NYAP1: variants seen among roughly 807,000 people sequenced by gnomAD.
The protein encoded by NYAP1 is neuronal tyrosine phosphorylated phosphoinositide-3-kinase adaptor 1.
A neutral mutation model predicts 58.6 loss-of-function variants in NYAP1; 20 were observed. The ratio of observed to expected loss-of-function variants is 0.34; its 90% CI spans 0.24 to 0.50. The LOEUF is 0.50. Among genes scored for constraint, NYAP1 ranks in the 20% least tolerant of loss-of-function variants. NYAP1 has a pLI of 0.98. For synonymous variants in NYAP1, 572 were observed against 523.1 expected, an observed-to-expected ratio of 1.09 and a Z score of -1.27; for missense variants, 1,150 against 1,194.5, an observed-to-expected ratio of 0.96 and a Z score of 0.55.
In NYAP1 at chr7:100,491,054, A is replaced by C; in HGVS notation, c.2227A>C (p.Thr743Pro). The C allele has an allele frequency of 6.4e-7, 1 of 1,559,724 alleles. No individual in the cohort carries two copies. Among genetic ancestry groups the C allele is most frequent in the Non-Finnish European group, 8.7e-7 (1 of 1,151,614 alleles). ...TSGVRQVVLH[T>P]PRPCSQPRDA... ...CGGAGTCCGGCAGGTCGTGCTCCAC[A>C]CACCCCGGCCCTGCAGCCAGCCCAG... The change falls in exon 6 of 7, where the codon ACA becomes CCA. Residue 743 changes from threonine to proline, a missense_variant. Transcript: ENST00000300179.
At position 100,485,294 on chromosome 7, in the gene NYAP1, C is replaced by G; in HGVS notation, c.-18C>G. ...GCACTGAGCAGGGCCCCCCAGCCCC[C>G]ACCTCCTGCCCCACGAGATGAACCT... is the stretch of plus-strand genomic sequence containing the variant. On this transcript the variant is annotated 5_prime_UTR_variant, in exon 2 of 7. Coordinates refer to ENST00000300179, the MANE Select transcript of NYAP1 (RefSeq NM_173564.4). The surrounding 1 kb of genome is among the most constrained non-coding windows in gnomAD (Gnocchi z 5.7). The G allele has an allele frequency of 6.4e-7, 1 of 1,571,808 alleles. No homozygotes were observed. Among genetic ancestry groups the G allele is most frequent in the Admixed American group, 1.8e-5 (1 of 55,188 alleles).
intron 1 of NYAP1, among the ~76,000 whole-genome samples, chr7:100,484,608 G>A (rs966321079): frequency 1.3e-5 from 2 of 152,054 alleles, no homozygotes; most frequent in Admixed American, 1.3e-4. Flanking sequence ...TTCCTTCAGC[G>A]TCCCCACCCT....
chr7:100,484,747 G>A (rs1020656452), intron 1 of NYAP1, among the ~76,000 whole-genome samples: 1 of 152,122 alleles, frequency 6.6e-6, no homozygotes, highest in African/African-American at 2.4e-5. Flanking sequence ...GTCCAGTTCT[G>A]TGTAGCAGAT....
rs370347195 is a variant in NYAP1 at position 100,488,477 on chromosome 7, G to T, written c.756G>T (p.Ser252=). ...GGPTPPAGAD[S]DSEESEAIYE... ...CGACCCCTCCAGCGGGCGCCGACTCGGACTCTGAAGAGAGTGAGGCCATCT... is the reference window on the plus strand; with the variant it reads ...CGACCCCTCCAGCGGGCGCCGACTCTGACTCTGAAGAGAGTGAGGCCATCT... The change falls in exon 4 of 7, where the codon TCG becomes TCT. Residue 252 remains serine, a synonymous_variant. Transcript: ENST00000300179. The surrounding 1 kb of genome is among the most constrained non-coding windows in gnomAD (Gnocchi z 5.9). The T allele has an allele frequency of 1.2e-5, 19 of 1,611,864 alleles. No individual in the cohort carries two copies. In the Middle Eastern group the frequency reaches 4.9e-4, roughly 42 times the overall value.
rs772353406 is a variant in NYAP1 at position 100,488,941 on chromosome 7, C to T, written c.1220C>T (p.Ser407Leu). ...LGPSGRARSH[S>L]TPLPPQGSGQ... is the part of the protein sequence containing the mutation. ...CCATCGGGCCGGGCCCGGAGCCACT[C>T]GACACCGTTGCCACCCCAGGGCTCT... Residue 407 changes from serine to leucine, a missense_variant, in exon 4 of 7, where the codon TCG becomes TTG. Coordinates refer to ENST00000300179, the MANE Select transcript of NYAP1 (RefSeq NM_173564.4). The surrounding 1 kb of genome is among the most constrained non-coding windows in gnomAD (Gnocchi z 5.9). The T allele has an allele frequency of 1.6e-5, 25 of 1,569,646 alleles. No individual in the cohort carries two copies. Among genetic ancestry groups the T allele is most frequent in the South Asian group, 3.5e-5 (3 of 85,584 alleles).
intron 6 of NYAP1, among the ~76,000 whole-genome samples, chr7:100,492,875 G>A (rs1461112655): frequency 3.9e-5 from 6 of 152,028 alleles, no homozygotes; most frequent in Non-Finnish European, 7.4e-5. Flanking sequence ...CTCCAGCCTG[G>A]GTGGCAGAGG....
Position 100,488,932 on chromosome 7 carries a change from G to A in NYAP1, c.1211G>A (p.Arg404Gln), listed in dbSNP as rs959739987. 26 of 1,573,846 alleles carry A rather than the reference G, an allele frequency of 1.7e-5. No homozygotes were observed. The highest frequency in any genetic ancestry group is 3.4e-4 in the Middle Eastern group (2 of 5,884). ...CTGCTGGGACCATCGGGCCGGGCCCGGAGCCACTCGACACCGTTGCCACCC... is the reference window on the plus strand; with the variant it reads ...CTGCTGGGACCATCGGGCCGGGCCCAGAGCCACTCGACACCGTTGCCACCC... ...LLLLGPSGRARSHSTPLPPQG... is the reference protein window; with the variant it reads ...LLLLGPSGRAQSHSTPLPPQG... Residue 404 changes from arginine to glutamine, a missense_variant, in exon 4 of 7, where the codon CGG becomes CAG. Coordinates refer to ENST00000300179, the MANE Select transcript of NYAP1 (RefSeq NM_173564.4). This position sits in a 1 kb window ranked among gnomAD's most constrained non-coding sequence, Gnocchi z 5.9.
chr7:100,494,093 G>A lies in NYAP1; in HGVS notation c.*190G>A. On this transcript the variant is annotated 3_prime_UTR_variant, in exon 7 of 7. Transcript: ENST00000300179. ...CCATTGGGCTTAGGATGCCAACAGCGCTGCTGAGAAACGGAGGAGGAGGAG... is the reference window on the plus strand; with the variant it reads ...CCATTGGGCTTAGGATGCCAACAGCACTGCTGAGAAACGGAGGAGGAGGAG... 1.9e-6 allele frequency: 1 copy of A among 530,490 alleles called. No individual in the cohort carries two copies. The allele number at this position is 530,490 out of a possible 1,614,324, so 32.9% of individuals were successfully genotyped here.
Position 100,488,569 on chromosome 7 carries a change from T to C in NYAP1, c.848T>C (p.Leu283Ser). 2.5e-6 allele frequency: 4 copies of C among 1,604,834 alleles called. No individual in the cohort carries two copies. Among genetic ancestry groups the C allele is most frequent in the Non-Finnish European group, 3.4e-6 (4 of 1,176,252 alleles). ...GEGRANGPPP[L>S]TATSPPQQPH... ...GGCCGGGCCAATGGCCCTCCACCAT[T>C]GACGGCAACATCCCCGCCACAACAG... The change falls in exon 4 of 7, where the codon TTG becomes TCG. Residue 283 changes from leucine (L) to serine (S), a missense_variant. Coordinates refer to ENST00000300179, the MANE Select transcript of NYAP1 (RefSeq NM_173564.4). This position sits in a 1 kb window ranked among gnomAD's most constrained non-coding sequence, Gnocchi z 5.9.
chr7:100,490,937 G>T lies in NYAP1; in HGVS notation c.2159-49G>T, dbSNP rs1799787420. On this transcript the variant is annotated intron_variant, in intron 5 of 6. Transcript: ENST00000300179. The surrounding 1 kb of genome is among the most constrained non-coding windows in gnomAD (Gnocchi z 4.6). ...GGGCAGGGGACTGGGAACTAGGGGA[G>T]GGGTACCTGAGGCCCCTGCACTCCT... 1 of 1,268,738 alleles carries T rather than the reference G, an allele frequency of 7.9e-7. No individual in the cohort carries two copies. The highest frequency in any genetic ancestry group is 1.5e-5 in the African/African-American group (1 of 67,164). The allele number at this position is 1,268,738 out of a possible 1,614,324, so 78.6% of individuals were successfully genotyped here. A position where few individuals can be genotyped will look rare whatever the true frequency, so the allele number is the denominator to read the frequency against.
rs1799701971 is a variant in NYAP1 at position 100,486,355 on chromosome 7, C to T, written c.69-466C>T. Among the ~76,000 whole-genome samples, 1 of 152,050 alleles carries T rather than the reference C, an allele frequency of 6.6e-6. No individual in the cohort carries two copies. Among genetic ancestry groups the T allele is most frequent in the South Asian group, 2.1e-4 (1 of 4,824 alleles). Reference sequence around the variant, plus strand: ...CTGCTCTGGTCCTGGAGGGGCACATCCTGCATCTGGGAGAGGAGGTGTGCC... The same window carrying T: ...CTGCTCTGGTCCTGGAGGGGCACATTCTGCATCTGGGAGAGGAGGTGTGCC... On this transcript the variant is annotated intron_variant, in intron 2 of 6. Transcript: ENST00000300179. The surrounding 1 kb of genome is among the most constrained non-coding windows in gnomAD (Gnocchi z 6.2).
chr7:100,487,056 A>G lies in NYAP1; in HGVS notation c.304A>G (p.Ser102Gly), dbSNP rs534872075. Residue 102 changes from serine (S) to glycine (G), a missense_variant, in exon 3 of 7, where the codon AGT (serine) becomes GGT (glycine). By Grantham distance (56) the Ser-to-Gly change is moderately conservative (BLOSUM62 0). Transcript: ENST00000300179. This position sits in a 1 kb window ranked among gnomAD's most constrained non-coding sequence, Gnocchi z 4.1. ...TGTCGGGGGTGGCCCTGGCGGGGCC[A>G]GTGGGGGCCTCACAGAGGACAGCAG... ...DSVGGGPGGA[S>G]GGLTEDSSTR... 92 of 1,601,056 alleles carry G rather than the reference A, an allele frequency of 5.7e-5. No homozygotes were observed. In the East Asian group the frequency reaches 1.6e-3, roughly 27 times the overall value.
rs568574431 is a variant in NYAP1, at chr7:100,493,689, C to T, written c.2312C>T (p.Pro771Leu). The T allele has an allele frequency of 2.5e-6, 4 of 1,591,948 alleles. No individual in the cohort carries two copies. The highest frequency in any genetic ancestry group is 1.7e-5 in the Admixed American group (1 of 58,084). ...CTGCCTCTGCCCCTGCCGCCCCAGC[C>T]GGCCCGCGAGCGTGACGGGAAGCTG... Reference protein sequence around the residue: ...LPLPLPLPPQPARERDGKLLE... With the variant: ...LPLPLPLPPQLARERDGKLLE... The change falls in exon 7 of 7, where the codon CCG (proline) becomes CTG (leucine). Residue 771 changes from proline (P) to leucine (L), a missense_variant. Physicochemically the swap from Pro to Leu is moderately conservative, Grantham distance 98. Transcript: ENST00000300179.
Position 100,487,360 on chromosome 7 carries a change from G to T in NYAP1, c.430+178G>T, listed in dbSNP as rs1012679690. ...TGGGCCTGAGATGAACCATTCAAGG[G>T]CAGGGGACACTCCCTGAAAAGTTCT... On this transcript the variant is annotated intron_variant, in intron 3 of 6. Transcript: ENST00000300179. This position sits in a 1 kb window ranked among gnomAD's most constrained non-coding sequence, Gnocchi z 4.1. Among the ~76,000 whole-genome samples the T allele has an allele frequency of 6.6e-6, 1 of 152,164 alleles. No homozygotes were observed. The highest frequency in any genetic ancestry group is 2.4e-5 in the African/African-American group (1 of 41,426).
rs1425158458 is a variant in NYAP1 at position 100,489,213 on chromosome 7, A to G, written c.1492A>G (p.Met498Val). 1 of 1,609,946 alleles carries G rather than the reference A, an allele frequency of 6.2e-7. No homozygotes were observed. The highest frequency in any genetic ancestry group is 2.2e-5 in the East Asian group (1 of 44,786). Residue 498 changes from methionine (M) to valine (V), a missense_variant, in exon 4 of 7, where the codon ATG becomes GTG. Physicochemically the swap from Met to Val is conservative, Grantham distance 21. Transcript: ENST00000300179. ...GAAGGAGATCTCGGTCCTCCATGGG[A>G]TGCTGTGTACCAGCTCAAGGCCCCC... ...TEKEISVLHG[M>V]LCTSSRPPVP...
chr7:100,486,035 C>T lies in NYAP1; in HGVS notation c.68+656C>T, dbSNP rs997496490. Among the ~76,000 whole-genome samples, 3 of 152,216 alleles carry T rather than the reference C, an allele frequency of 2.0e-5. No individual in the cohort carries two copies. The highest frequency in any genetic ancestry group is 4.4e-5 in the Non-Finnish European group (3 of 68,042). On this transcript the variant is annotated intron_variant, in intron 2 of 6. Coordinates refer to ENST00000300179, the MANE Select transcript of NYAP1 (RefSeq NM_173564.4). The surrounding 1 kb of genome is among the most constrained non-coding windows in gnomAD (Gnocchi z 6.2). ...CTTGGAGCCTGACTCACAGCCACCT[C>T]CCTTTTCCTTCCTCGCAACTGTGGA...
chr7:100,486,862 C>T lies in NYAP1; in HGVS notation c.110C>T (p.Ala37Val), dbSNP rs758533199. Residue 37 changes from alanine to valine, a missense_variant, in exon 3 of 7, where the codon GCG becomes GTG. Ala to Val is a moderately conservative substitution (Grantham distance 64). Coordinates refer to ENST00000300179, the MANE Select transcript of NYAP1 (RefSeq NM_173564.4). The surrounding 1 kb of genome is among the most constrained non-coding windows in gnomAD (Gnocchi z 6.2). ...GCCCCCGCTGGCTCGGCTGGGCCCG[C>T]GGCCGGCCAGGGGCCTGGGGTCCGC... ...EVAPAGSAGP[A>V]AGQGPGVRVR... 9 of 1,536,418 alleles carry T rather than the reference C, an allele frequency of 5.9e-6. No individual in the cohort carries two copies. The Admixed American group carries it at 8.2e-5, about 14-fold the overall frequency.
rs1233335076 is a variant in NYAP1 at position 100,490,664 on chromosome 7, G to A, written c.2093G>A (p.Arg698Gln). 1.9e-6 allele frequency: 3 copies of A among 1,562,760 alleles called. No homozygotes were observed. The highest frequency in any genetic ancestry group is 2.6e-6 in the Non-Finnish European group (3 of 1,153,760). Residue 698 changes from arginine to glutamine, a missense_variant, in exon 5 of 7, where the codon CGA becomes CAA. Arg to Gln is a conservative substitution (Grantham distance 43). Transcript: ENST00000300179. This position sits in a 1 kb window ranked among gnomAD's most constrained non-coding sequence, Gnocchi z 4.6. ...CTGGCCAGGATCCACCATGGAGACC[G>A]AGGAGGGAGCCGCACCGCGCTGCCC... ...GLLARIHHGDRGGSRTALPIP... is the reference protein window; with the variant it reads ...GLLARIHHGDQGGSRTALPIP...
In NYAP1 at chr7:100,487,543, C is replaced by A. The variant is rs1057405811; in HGVS notation, c.430+361C>A. On this transcript the variant is annotated intron_variant, in intron 3 of 6. Transcript: ENST00000300179. This position sits in a 1 kb window ranked among gnomAD's most constrained non-coding sequence, Gnocchi z 4.1. ...TTGAGACAGAGTCTCGCTCTGTTGC[C>A]CAGGCAGGAGTGCAGTGGTGCGATC... Among the ~76,000 whole-genome samples, 1 of 152,186 alleles carries A rather than the reference C, an allele frequency of 6.6e-6. No individual in the cohort carries two copies. Among genetic ancestry groups the A allele is most frequent in the African/African-American group, 2.4e-5 (1 of 41,452 alleles).
Sources: allele counts gnomAD v4.1 joint callset (sites outside exome capture counted in the v4.1 genomes callset), GRCh38; gene constraint gnomAD v4.1.1; non-coding constraint Gnocchi (gnomAD v3.1); transcripts MANE v1.5; gene names NCBI Gene and HGNC (gene_info 2026-07-23, HGNC 2026-07-21).